The following ZNF185 variants were observed in gnomAD, a reference collection of about 807,000 sequenced individuals.
The protein encoded by ZNF185 is zinc finger protein 185.
Under a neutral mutation model 58.6 loss-of-function variants are expected in ZNF185, and 56 were observed. That is an observed-to-expected ratio of 0.95 (90% CI 0.77 to 1.19). The LOEUF (loss-of-function observed/expected upper bound fraction) is 1.19. ZNF185 is among the 50% of genes most tolerant of loss of function. The pLI, the probability that ZNF185 is intolerant of heterozygous loss-of-function variation, is 0.00. For missense variants in ZNF185, 627 were observed against 573.5 expected (o/e 1.09, Z -0.95); for synonymous variants, 230 against 215.9 (o/e 1.07, Z -0.57).
At chrX:152,955,375 T>G (rs1268422127) in intron 16 of ZNF185, among the ~76,000 whole-genome samples, 2 of 112,391 alleles carry the variant, frequency 1.8e-5, no homozygotes, top group Non-Finnish European at 3.8e-5. Flanking sequence ...AGGAGGACAG[T>G]GGGTTTTGTA....
At position 152,928,668 on chromosome X, in the gene ZNF185, G is replaced by C; in HGVS notation, c.917+7G>C. The C allele has an allele frequency of 1.7e-6, 2 of 1,208,172 alleles. No homozygotes were observed. Among genetic ancestry groups the C allele is most frequent in the Non-Finnish European group, 2.2e-6 (2 of 892,692 alleles). On this transcript the variant is annotated splice_region_variant and intron_variant, in intron 12 of 22. Coordinates refer to ENST00000449285, the Ensembl canonical transcript of ZNF185. ...CAGACGTGGAAGGCATGAGGTATGGGGGTCCTGCTGCTGTCCTGGCTCCCT... is the reference window on the plus strand; with the variant it reads ...CAGACGTGGAAGGCATGAGGTATGGCGGTCCTGCTGCTGTCCTGGCTCCCT...
chrX:152,915,430 C>A (rs1938247384), intron 3 of ZNF185, among the ~76,000 whole-genome samples: 1 of 112,977 alleles, frequency 8.9e-6, no homozygotes, highest in Non-Finnish European at 1.9e-5. Context: ...GGCCCTTGGC[C>A]TGGCTGTGTG....
chrX:152,945,899 CAG>C (rs1286256142), intron 16 of ZNF185, among the ~76,000 whole-genome samples: 6 of 111,012 alleles, frequency 5.4e-5, no homozygotes, highest in Admixed American at 9.5e-5. Flanking sequence ...CAGAGTGAAG[CAG>C]AGAGAGAGAG....
chrX:152,910,756 T>C (rs1937060390), upstream of ZNF185, among the ~76,000 whole-genome samples: 2 of 112,245 alleles, frequency 1.8e-5, no homozygotes, highest in South Asian at 3.7e-4. Context: ...TTAAGCCTTT[T>C]GATACATACA....
At chrX:152,912,888 G>A (rs5925254), upstream of ZNF185, among the ~76,000 whole-genome samples, 3 of 110,916 alleles carry the variant, frequency 2.7e-5, no homozygotes, top group African/African-American at 9.8e-5. Context: ...TGGAGTGAGC[G>A]CCACTCAACA....
chrX:152,936,334 G>A, intron 14 of ZNF185, 84 bp from the exon 16 acceptor site: 1 of 798,938 alleles, frequency 1.3e-6, no homozygotes, highest in Non-Finnish European at 1.8e-6. Flanking sequence ...TCATCTGTGG[G>A]GGGCAGGATC....
chrX:152,959,720 G>A (rs372565805), exon 17 of ZNF185: 254 of 1,209,906 alleles, frequency 2.1e-4, no homozygotes, highest in Non-Finnish European at 2.6e-4. Flanking sequence ...ATTTTGAGGG[G>A]AAGGATGTGG....
intron 15 of ZNF185, among the ~76,000 whole-genome samples, chrX:152,939,705 G>C (rs932826365): frequency 2.8e-5 from 3 of 108,316 alleles, no homozygotes; most frequent in Non-Finnish European, 3.8e-5. Context: ...ACAGAGCCCA[G>C]ATCCAGCCAA....
exon 18 of ZNF185, chrX:152,963,850 C>T (rs1556912230): frequency 2.5e-6 from 3 of 1,210,726 alleles, no homozygotes; most frequent in Non-Finnish European, 3.4e-6. Context: ...GTGAGGAGCC[C>T]CTCGAGCTGC....
At chrX:152,901,866 C>G in the ZNF185 span, among the ~76,000 whole-genome samples, 1 of 111,867 alleles carries the variant, frequency 8.9e-6, no homozygotes, top group African/African-American at 3.3e-5. Context: ...GGGTATCACT[C>G]TCAATGTCGG....
At chrX:152,915,460 C>T (rs1270992354) in intron 3 of ZNF185, among the ~76,000 whole-genome samples, 1 of 112,948 alleles carries the variant, frequency 8.9e-6, no homozygotes, top group African/African-American at 3.2e-5. Flanking sequence ...CAGCTGACTT[C>T]CCTGCTGGGC....
At chrX:152,898,238 G>C in the ZNF185 span, among the ~76,000 whole-genome samples, 1 of 111,596 alleles carries the variant, frequency 9.0e-6, no homozygotes, top group African/African-American at 3.2e-5. Context: ...ACCGGTGCCA[G>C]GTAGGGCTGT....
At chrX:152,911,982 C>G (rs1486514756), upstream of ZNF185, among the ~76,000 whole-genome samples, 3 of 101,350 alleles carry the variant, frequency 3.0e-5, no homozygotes, top group Non-Finnish European at 6.0e-5. Flanking sequence ...TCTGATCCGT[C>G]TATCCCATCC....
chrX:152,932,852 A>G (rs2045859132), intron 13 of ZNF185, 21 bp from the exon 15 acceptor site: 2 of 1,154,142 alleles, frequency 1.7e-6, no homozygotes, highest in Admixed American at 2.3e-5. Context: ...GAGTCAGCAA[A>G]TACTCCACTT....
At chrX:152,954,349 A>G (rs554579726) in intron 16 of ZNF185, among the ~76,000 whole-genome samples, 13 of 111,463 alleles carry the variant, frequency 1.2e-4, no homozygotes, top group East Asian at 2.8e-4. Context: ...AGCAAGCAAA[A>G]TTCAGGCCCT....
intron 14 of ZNF185, 53 bp from the exon 16 acceptor site, chrX:152,936,365 G>C: frequency 9.5e-7 from 1 of 1,047,538 alleles, no homozygotes; most frequent in Non-Finnish European, 1.3e-6. Flanking sequence ...GGAGAGGGTA[G>C]ACATACAGAC....
chrX:152,965,336 T>C (rs1556913585), intron 18 of ZNF185, 111 bp from the exon 21 acceptor site: 2 of 637,576 alleles, frequency 3.1e-6, no homozygotes, highest in Non-Finnish European at 4.8e-6. Context: ...GCTCTTTCAC[T>C]TCCTTCAAAC....
chrX:152,965,560 C>T, intron 19 of ZNF185, 33 bp downstream of exon 21: 2 of 1,094,042 alleles, frequency 1.8e-6, no homozygotes, highest in Non-Finnish European at 2.5e-6. Flanking sequence ...TCCATGTCGG[C>T]CTTCTCCTGC....
chrX:152,913,568 G>A (rs1937677254), upstream of ZNF185, among the ~76,000 whole-genome samples: 1 of 112,686 alleles, frequency 8.9e-6, no homozygotes, highest in African/African-American at 3.2e-5. Context: ...AGAGCTCAAG[G>A]CAGCTGTGGG....
Sources: gnomAD v4.1 joint callset for allele counts (sites outside exome capture counted in the v4.1 genomes callset) on GRCh38, gnomAD v4.1.1 for gene constraint, MANE v1.5 for transcripts, NCBI Gene and HGNC (gene_info 2026-07-23, HGNC 2026-07-21) for gene names.